The following CDH18 variants were observed in gnomAD, a reference collection of about 807,000 sequenced individuals.
The protein encoded by CDH18 is cadherin-18.
CDH18 carries 31 observed loss-of-function variants against 67.9 expected under a neutral mutation model. That is an observed-to-expected ratio of 0.46 (90% CI 0.34 to 0.62). The LOEUF (loss-of-function observed/expected upper bound fraction) is 0.62, where lower values mean the gene tolerates loss of function less well. Among genes scored for constraint, CDH18 ranks in the 20% least tolerant of loss-of-function variants. The pLI is 0.01. For synonymous variants in CDH18, 362 were observed against 347.2 expected (o/e 1.04, Z -0.48); for missense variants, 890 against 975.5 (o/e 0.91, Z 1.17).
chr5:19,732,321 G>A lies in CDH18; in HGVS notation c.524-10855C>T, dbSNP rs566594803. Among the ~76,000 whole-genome samples the A allele has an allele frequency of 5.9e-5, 9 of 152,058 alleles. No individual in the cohort carries two copies. In the South Asian group the frequency reaches 1.5e-3, roughly 25 times the overall value. The stretch of plus-strand genomic sequence containing the variant: ...AATAAAAAATTATACAGATGTTGTG[G>A]CACACACCTGTAGTCCCAGTTAATC... On this transcript the variant is annotated intron_variant, in intron 4 of 12. Transcript: ENST00000382275.
At chr5:20,166,430 ACT>A (rs1474788156) in intron 2 of CDH18, among the ~76,000 whole-genome samples, 2 of 101,524 alleles carry the variant, frequency 2.0e-5, no homozygotes, top group African/African-American at 7.5e-5. Context: ...ACAGAGTGAG[ACT>A]CTGTCTCAAA....
intron 2 of CDH18, among the ~76,000 whole-genome samples, chr5:20,246,567 G>A (rs1743392341): frequency 1.4e-5 from 2 of 146,800 alleles, no homozygotes; most frequent in South Asian, 4.4e-4. Context: ...AGAGAAAAAT[G>A]CAGGAAGTAA....
Position 20,339,143 on chromosome 5 carries a change from T to C in CDH18, c.-579-83638A>G, listed in dbSNP as rs114851419. Reference sequence around the variant, plus strand: ...GATAGGCTGCTTTTTCTCCTCTCTCTTTCTAGGTGGGTAACATCTTCAGCC... The same window carrying C: ...GATAGGCTGCTTTTTCTCCTCTCTCCTTCTAGGTGGGTAACATCTTCAGCC... On this transcript the variant is annotated intron_variant, in intron 1 of 14. Coordinates refer to the CDH18 transcript ENST00000507958. Among the ~76,000 whole-genome samples, 161 of 152,122 alleles carry C rather than the reference T, an allele frequency of 1.1e-3. 2 individuals are homozygous for C. Among genetic ancestry groups the C allele is most frequent in the African/African-American group, 3.6e-3 (151 of 41,522 alleles).
chr5:19,647,795 G>T (rs1477376030), intron 5 of CDH18, among the ~76,000 whole-genome samples: 1 of 151,936 alleles, frequency 6.6e-6, no homozygotes. Flanking sequence ...ATACACCCTA[G>T]AGGAGACTGA....
intron 3 of CDH18, among the ~76,000 whole-genome samples, chr5:19,805,265 A>C (rs1777917875): frequency 6.6e-6 from 1 of 152,070 alleles, no homozygotes; most frequent in South Asian, 2.1e-4. Context: ...TATCATTCTT[A>C]TATTATTCTC....
At chr5:20,375,839 C>T (rs1743369089) in intron 1 of CDH18, among the ~76,000 whole-genome samples, 1 of 151,970 alleles carries the variant, frequency 6.6e-6, no homozygotes, top group African/African-American at 2.4e-5. Flanking sequence ...TTCAAGTACT[C>T]ACTCGGGACT....
At chr5:20,292,055 G>A (rs570556596) in intron 1 of CDH18, among the ~76,000 whole-genome samples, 47 of 152,064 alleles carry the variant, frequency 3.1e-4, no homozygotes, top group African/African-American at 6.8e-4. Context: ...TGGCCTCCTC[G>A]GCTGAGCACA....
intron 1 of CDH18, among the ~76,000 whole-genome samples, chr5:20,301,109 T>C (rs1418427487): frequency 6.6e-6 from 1 of 152,166 alleles, no homozygotes; most frequent in Non-Finnish European, 1.5e-5. Flanking sequence ...TCAATGAGCA[T>C]CTTTTGGGAA....
At chr5:19,650,424 G>A (rs957214283) in intron 5 of CDH18, among the ~76,000 whole-genome samples, 2 of 152,050 alleles carry the variant, frequency 1.3e-5, no homozygotes, top group Non-Finnish European at 2.9e-5. Flanking sequence ...TAGATTCACA[G>A]CTTTCTGTAC....
chr5:20,559,957 C>T (rs1758108737), intron 1 of CDH18, among the ~76,000 whole-genome samples: 1 of 2,938 alleles, frequency 3.4e-4, no homozygotes, highest in African/African-American at 1.4e-3. Flanking sequence ...GGTCTGTTGC[C>T]TAAAGGAGTT....
chr5:19,829,149 A>G (rs1780745039), intron 3 of CDH18, among the ~76,000 whole-genome samples: 1 of 152,156 alleles, frequency 6.6e-6, no homozygotes, highest in Admixed American at 6.6e-5. Context: ...TCAGAAACAG[A>G]CCAAAACAAA....
intron 1 of CDH18, among the ~76,000 whole-genome samples, chr5:20,465,757 A>G (rs546513872): frequency 6.6e-6 from 1 of 152,170 alleles, no homozygotes; most frequent in African/African-American, 2.4e-5. Context: ...CTGAGAAACT[A>G]TAAGGTTTGT....
intron 1 of CDH18, among the ~76,000 whole-genome samples, chr5:20,525,010 G>T (rs915691962): frequency 2.0e-5 from 3 of 152,160 alleles, no homozygotes; most frequent in Admixed American, 6.5e-5. Flanking sequence ...GACGATTAAA[G>T]ACTTTTTGAG....
At chr5:19,532,750 A>G (rs1748836948) in intron 9 of CDH18, among the ~76,000 whole-genome samples, 1 of 152,208 alleles carries the variant, frequency 6.6e-6, no homozygotes, top group African/African-American at 2.4e-5. Context: ...GAAGTGAGAT[A>G]AATGATAGGA....
chr5:20,456,221 A>G (rs1750825715), intron 1 of CDH18, among the ~76,000 whole-genome samples: 1 of 152,122 alleles, frequency 6.6e-6, no homozygotes, highest in Non-Finnish European at 1.5e-5. Flanking sequence ...GAGATTTACT[A>G]AATAGACATT....
intron 3 of CDH18, among the ~76,000 whole-genome samples, chr5:19,796,034 C>G (rs1384455637): frequency 2.0e-5 from 3 of 151,958 alleles, no homozygotes; most frequent in Admixed American, 6.6e-5. Flanking sequence ...AAAGTTCACC[C>G]AATCTGCAAA....
At chr5:20,323,993 A>T (rs1738291591) in intron 1 of CDH18, among the ~76,000 whole-genome samples, 1 of 152,218 alleles carries the variant, frequency 6.6e-6, no homozygotes. Context: ...CTAATGACAC[A>T]AAAGTGGCAG....
At chr5:19,819,665 G>C (rs964011648) in intron 3 of CDH18, among the ~76,000 whole-genome samples, 2 of 152,172 alleles carry the variant, frequency 1.3e-5, no homozygotes, top group Non-Finnish European at 2.9e-5. Flanking sequence ...ACTTCCCAGA[G>C]AGGAGGCAGA....
chr5:19,863,622 A>C lies in CDH18; in HGVS notation c.-256-24380T>G, dbSNP rs1232266645. On this transcript the variant is annotated intron_variant, in intron 2 of 12. Coordinates refer to ENST00000382275, the MANE Select transcript of CDH18 (RefSeq NM_004934.5). ...CCATGCTCAGCCCCCACTAAGAGAA[A>C]CTGCAATAATAGAACATGATCCTCC... is the stretch of plus-strand genomic sequence containing the variant. 3.9e-5 allele frequency among the ~76,000 whole-genome samples: 6 copies of C among 152,124 alleles called. No individual in the cohort carries two copies. In the East Asian group the frequency reaches 1.2e-3, roughly 29 times the overall value.
Sources: gnomAD v4.1 joint callset for allele counts (sites outside exome capture counted in the v4.1 genomes callset) on GRCh38, gnomAD v4.1.1 for gene constraint, MANE v1.5 for transcripts, NCBI Gene and HGNC (gene_info 2026-07-23, HGNC 2026-07-21) for gene names.